ZNF804B: variants seen among roughly 807,000 people sequenced by gnomAD.
ZNF804B encodes zinc finger protein 804B, also known as zinc finger 804B.
In ZNF804B, 80 loss-of-function variants were observed where a neutral mutation model predicts 101.4. The ratio of observed to expected loss-of-function variants is 0.79; its 90% CI spans 0.66 to 0.95. The LOEUF is 0.95. Ranked by LOEUF, ZNF804B falls within the 40% of genes least tolerant of loss-of-function variation. The pLI, the probability that ZNF804B is intolerant of heterozygous loss-of-function variation, is 0.00. For missense variants in ZNF804B, 1,673 were observed against 1,561.9 expected, an observed-to-expected ratio of 1.07 and a Z score of -1.20; for synonymous variants, 622 against 558.8, an observed-to-expected ratio of 1.11 and a Z score of -1.59.
At chr7:88,945,567 A>G (rs78798522) in intron 1 of ZNF804B, among the ~76,000 whole-genome samples, 2,245 of 147,606 alleles carry the variant, frequency 0.015, 54 homozygotes, top group African/African-American at 0.053. Flanking sequence ...TGCCTTGGCT[A>G]TATGGGCTCT....
At chr7:88,999,236 A>T (rs59569532) in intron 1 of ZNF804B, among the ~76,000 whole-genome samples, 18,993 of 152,090 alleles carry the variant, frequency 0.12, 1,322 homozygotes, top group African/African-American at 0.17. Context: ...AATACAGCAG[A>T]ATTTAACTCA....
chr7:89,023,802 C>T (rs543379241), intron 1 of ZNF804B, among the ~76,000 whole-genome samples: 30 of 152,288 alleles, frequency 2.0e-4, no homozygotes, highest in African/African-American at 7.2e-4. Flanking sequence ...TCTTTCCTGT[C>T]AGACCTGAGC....
intron 2 of ZNF804B, among the ~76,000 whole-genome samples, chr7:89,281,920 C>G (rs1316836571): frequency 6.6e-6 from 1 of 152,084 alleles, no homozygotes; most frequent in African/African-American, 2.4e-5. Context: ...TAGGCTTTCC[C>G]ACAGTAGAAA....
intron 1 of ZNF804B, among the ~76,000 whole-genome samples, chr7:89,001,359 CT>C (rs543804643): frequency 1.1e-4 from 15 of 142,812 alleles, no homozygotes; most frequent in Non-Finnish European, 1.1e-4. Flanking sequence ...CTTTCCTTTT[CT>C]TTTTTTTTTA....
Position 89,263,355 on chromosome 7 carries a change from C to CTT in ZNF804B, c.249+45065_249+45066dup. Among the ~76,000 whole-genome samples the CTT allele has an allele frequency of 1.3e-5, 2 of 151,982 alleles. 1 individual carries two copies. The highest frequency in any genetic ancestry group is 4.2e-4 in the South Asian group (2 of 4,818). On this transcript the variant is annotated intron_variant, in intron 2 of 3. Coordinates refer to ENST00000333190, the MANE Select transcript of ZNF804B (RefSeq NM_181646.5). ...ATTTTAAAGTTGTGCTTTGATATGG[C>CTT]TTTTTTCCGCTGCTTGTTGTTTCTC...
chr7:89,245,383 T>C (rs1002564979), intron 2 of ZNF804B, among the ~76,000 whole-genome samples: 1 of 151,948 alleles, frequency 6.6e-6, no homozygotes, highest in African/African-American at 2.4e-5. Flanking sequence ...TGGAAAAATA[T>C]GAAAAAGGAA....
chr7:88,828,601 T>C (rs1202895162), intron 1 of ZNF804B, among the ~76,000 whole-genome samples: 3 of 152,262 alleles, frequency 2.0e-5, no homozygotes, highest in Non-Finnish European at 2.9e-5. Context: ...ACTCAAGAAA[T>C]GTTAGTTATT....
intron 2 of ZNF804B, among the ~76,000 whole-genome samples, chr7:89,220,093 GCA>G: frequency 1.0e-5 from 1 of 99,482 alleles, no homozygotes; most frequent in African/African-American, 4.9e-5. Flanking sequence ...ATATATATAC[GCA>G]CATATATATG....
At chr7:89,188,610 GA>G (rs1788409913) in intron 1 of ZNF804B, among the ~76,000 whole-genome samples, 1 of 152,054 alleles carries the variant, frequency 6.6e-6, no homozygotes, top group Admixed American at 6.6e-5. Flanking sequence ...GAATGCAAAG[GA>G]AAAGTTTTCA....
intron 1 of ZNF804B, among the ~76,000 whole-genome samples, chr7:89,085,854 A>G (rs1400411792): frequency 6.6e-6 from 1 of 151,954 alleles, no homozygotes; most frequent in Non-Finnish European, 1.5e-5. Flanking sequence ...TTCTGATAAG[A>G]TTTAATGGGT....
Position 88,915,235 on chromosome 7 carries a change from A to G in ZNF804B, c.108+155151A>G, listed in dbSNP as rs543911102. ...TGACAATAGAAACATTTTTCAGATAACATGTACTTATACTATACACTGCCT... is the reference window on the plus strand; with the variant it reads ...TGACAATAGAAACATTTTTCAGATAGCATGTACTTATACTATACACTGCCT... On this transcript the variant is annotated intron_variant, in intron 1 of 3. Coordinates refer to ENST00000333190, the MANE Select transcript of ZNF804B (RefSeq NM_181646.5). 5.9e-5 allele frequency among the ~76,000 whole-genome samples: 9 copies of G among 152,224 alleles called. No individual in the cohort carries two copies. In the South Asian group the frequency reaches 1.5e-3, roughly 25 times the overall value.
chr7:89,011,387 A>G (rs1788459745), intron 1 of ZNF804B, among the ~76,000 whole-genome samples: 1 of 152,110 alleles, frequency 6.6e-6, no homozygotes, highest in Admixed American at 6.6e-5. Context: ...TCAAAACACA[A>G]TGGTGCCCTA....
chr7:88,765,562 A>G (rs1204670120), intron 1 of ZNF804B, among the ~76,000 whole-genome samples: 4 of 152,006 alleles, frequency 2.6e-5, no homozygotes, highest in African/African-American at 4.8e-5. Context: ...TGTGAAGTTG[A>G]TTTTTTCAAG....
chr7:88,888,056 C>T (rs957282878), intron 1 of ZNF804B, among the ~76,000 whole-genome samples: 1 of 151,816 alleles, frequency 6.6e-6, no homozygotes, highest in Non-Finnish European at 1.5e-5. Context: ...TTAATATGTT[C>T]CTATAGATGG....
At chr7:88,852,552 T>C (rs10251737) in intron 1 of ZNF804B, among the ~76,000 whole-genome samples, 2,503 of 152,134 alleles carry the variant, frequency 0.016, 52 homozygotes, top group African/African-American at 0.041. Flanking sequence ...AAAGGACCCA[T>C]TGGCTGACTC....
chr7:88,961,235 ATAAT>A (rs6150211), intron 1 of ZNF804B, among the ~76,000 whole-genome samples: 14,276 of 151,424 alleles, frequency 0.094, 843 homozygotes, highest in East Asian at 0.22. Context: ...TGTTGTATAA[ATAAT>A]TTATCCATGT....
At chr7:89,011,355 C>T (rs1788459239) in intron 1 of ZNF804B, among the ~76,000 whole-genome samples, 1 of 152,158 alleles carries the variant, frequency 6.6e-6, no homozygotes, top group African/African-American at 2.4e-5. Flanking sequence ...CTGGCACCTT[C>T]CATATCTCAT....
chr7:89,048,773 C>T (rs938300645), intron 1 of ZNF804B, among the ~76,000 whole-genome samples: 5 of 151,818 alleles, frequency 3.3e-5, no homozygotes, highest in Non-Finnish European at 7.4e-5. Flanking sequence ...TCTCGTCATT[C>T]CTTAAGTACT....
chr7:89,222,685 G>T (rs981648130), intron 2 of ZNF804B, among the ~76,000 whole-genome samples: 10 of 151,738 alleles, frequency 6.6e-5, no homozygotes, highest in African/African-American at 2.4e-4. Flanking sequence ...CTCTTGTCTT[G>T]TGTCTCTTTT....
Sources: allele counts gnomAD v4.1 joint callset (sites outside exome capture counted in the v4.1 genomes callset), GRCh38; gene constraint gnomAD v4.1.1; transcripts MANE v1.5; gene names NCBI Gene and HGNC (gene_info 2026-07-23, HGNC 2026-07-21).